SLC6A9: variants seen among roughly 807,000 people sequenced by gnomAD.
The protein encoded by SLC6A9 is solute carrier family 6 member 9.
Under a neutral mutation model 70.9 loss-of-function variants are expected in SLC6A9, and 31 were observed. The ratio of observed to expected loss-of-function variants is 0.44; its 90% CI spans 0.33 to 0.59. The LOEUF is 0.59. Among genes scored for constraint, SLC6A9 ranks in the 20% least tolerant of loss-of-function variants. The pLI is 0.04. For missense variants in SLC6A9, 631 were observed against 845.2 expected, an observed-to-expected ratio of 0.75 and a Z score of 3.14; for synonymous variants, 310 against 341.3, an observed-to-expected ratio of 0.91 and a Z score of 1.01.
rs201991199 is a variant in SLC6A9 at position 44,001,321 on chromosome 1, C to T, written c.1201-23G>A. ...GAACTGCAGGATGTGGCTGTCAGATCGGAGACCTGCCCCTTGTTCCTGTCC... is the reference window on the plus strand; with the variant it reads ...GAACTGCAGGATGTGGCTGTCAGATTGGAGACCTGCCCCTTGTTCCTGTCC... On this transcript the variant is annotated intron_variant, in intron 9 of 13. Coordinates refer to ENST00000372310, the MANE Select transcript of SLC6A9 (RefSeq NM_001024845.3). 4.2e-5 allele frequency: 68 copies of T among 1,614,056 alleles called. No individual in the cohort carries two copies. In the Middle Eastern group the frequency reaches 6.6e-4, roughly 16 times the overall value.
chr1:44,028,651 A>G (rs1290759026), intron 1 of SLC6A9, among the ~76,000 whole-genome samples: 1 of 152,204 alleles, frequency 6.6e-6, no homozygotes, highest in Admixed American at 6.5e-5. Context: ...GCTGCTCAGG[A>G]GGCTGAGTCA....
chr1:44,008,228 C>T (rs1370659034), intron 5 of SLC6A9, 125 bp downstream of exon 5: 1 of 933,212 alleles, frequency 1.1e-6, no homozygotes, highest in Non-Finnish European at 1.7e-6. Context: ...CTCACCTCTA[C>T]CCTCTCCCAG....
chr1:44,010,045 A>C lies in SLC6A9; in HGVS notation c.239T>G (p.Leu80Arg). The change falls in exon 4 of 14, where the codon CTC becomes CGC. Residue 80 changes from leucine to arginine, a missense_variant. Transcript: ENST00000372310. ...FIMLIFCGIP[L>R]FFMELSFGQF... ...GCCGAAGGAGAGCTCCATGAAGAAG[A>C]GGGGGATCCCGCAGAAGATGAGCAT... 6.2e-7 allele frequency: 1 copy of C among 1,614,092 alleles called. No homozygotes were observed. Among genetic ancestry groups the C allele is most frequent in the Non-Finnish European group, 8.5e-7 (1 of 1,179,968 alleles).
At chr1:44,016,974 C>A in intron 2 of SLC6A9, 1 of 1,464,610 alleles carries the variant, frequency 6.8e-7, no homozygotes, top group Non-Finnish European at 9.2e-7. Flanking sequence ...CAGCCCCTCT[C>A]CCCATCCGCA....
chr1:44,011,110 C>A (rs895797512), intron 2 of SLC6A9, among the ~76,000 whole-genome samples: 12 of 152,338 alleles, frequency 7.9e-5, no homozygotes, highest in African/African-American at 2.6e-4. Flanking sequence ...GCACCCAGTG[C>A]CAGGTGCACA....
At chr1:44,019,877 C>T (rs1034561346) in intron 2 of SLC6A9, among the ~76,000 whole-genome samples, 2 of 129,484 alleles carry the variant, frequency 1.5e-5, no homozygotes, top group African/African-American at 3.1e-5. Flanking sequence ...TGAGAAGTGC[C>T]GGGGATGGGG....
At chr1:44,023,901 T>C (rs1571916967) in intron 2 of SLC6A9, among the ~76,000 whole-genome samples, 1 of 152,106 alleles carries the variant, frequency 6.6e-6, no homozygotes, top group Admixed American at 6.5e-5. Flanking sequence ...CCAGGCAGGG[T>C]CTGAGGGAGG....
At chr1:44,016,640 C>T (rs783305) in intron 2 of SLC6A9, 23,414 of 164,458 alleles carry the variant, frequency 0.14, 2,148 homozygotes, top group African/African-American at 0.25. Context: ...CCATGTACCA[C>T]GTTCCCCTGC....
chr1:44,026,014 C>T (rs1272995367), intron 1 of SLC6A9, among the ~76,000 whole-genome samples: 1 of 152,264 alleles, frequency 6.6e-6, no homozygotes, highest in Non-Finnish European at 1.5e-5. Context: ...GAGGAGGCTG[C>T]TCTTTGCCTA....
At chr1:44,022,722 C>CTTTCTTTTTTTT (rs1553164497) in intron 2 of SLC6A9, among the ~76,000 whole-genome samples, 96 of 118,950 alleles carry the variant, frequency 8.1e-4, no homozygotes, top group South Asian at 5.8e-3. Flanking sequence ...TTCTTTCTTT[C>CTTTCTTTTTTTT]TTTTTTTTTT....
intron 12 of SLC6A9, among the ~76,000 whole-genome samples, chr1:43,999,349 C>T (rs1277243157): frequency 6.6e-6 from 1 of 151,652 alleles, no homozygotes; most frequent in Non-Finnish European, 1.5e-5. Context: ...AAGAGCCCCG[C>T]CCGCTGTGCC....
intron 5 of SLC6A9, among the ~76,000 whole-genome samples, chr1:44,008,002 T>C (rs1397935137): frequency 6.6e-6 from 1 of 151,872 alleles, no homozygotes; most frequent in Non-Finnish European, 1.5e-5. Flanking sequence ...GCCATTCTCC[T>C]GTGCCTGCCA....
chr1:44,010,611 G>C, intron 3 of SLC6A9, 115 bp downstream of exon 3: 1 of 1,074,118 alleles, frequency 9.3e-7, no homozygotes, highest in African/African-American at 1.6e-5. Context: ...AAGGAGGCCA[G>C]GGCCAGAGGC....
At chr1:44,030,927 C>T (rs1022909402) in intron 1 of SLC6A9, among the ~76,000 whole-genome samples, 2 of 152,138 alleles carry the variant, frequency 1.3e-5, no homozygotes, top group African/African-American at 4.8e-5. Context: ...CAGTGCCACG[C>T]TCTGGCTCCG....
chr1:44,027,732 T>G (rs974897539), intron 1 of SLC6A9, among the ~76,000 whole-genome samples: 3 of 152,158 alleles, frequency 2.0e-5, no homozygotes, highest in African/African-American at 7.2e-5. Context: ...TCCTAGCACT[T>G]TGGGAGGCCA....
Position 44,001,060 on chromosome 1 carries a change from G to A in SLC6A9, c.1336-5C>T. 6.3e-7 allele frequency: 1 copy of A among 1,590,870 alleles called. No individual in the cohort carries two copies. Among genetic ancestry groups the A allele is most frequent in the Non-Finnish European group, 8.6e-7 (1 of 1,166,846 alleles). On this transcript the variant is annotated splice_polypyrimidine_tract_variant and splice_region_variant and intron_variant, in intron 10 of 13. Transcript: ENST00000372310. Reference sequence around the variant, plus strand: ...CAGCAGCCAATAGATGCCTGCCTGGGGAACAGCGGGCAGCTGTGGGAGGCG... The same window carrying A: ...CAGCAGCCAATAGATGCCTGCCTGGAGAACAGCGGGCAGCTGTGGGAGGCG...
intron 3 of SLC6A9, 85 bp from the exon 4 acceptor site, chr1:44,010,181 C>T (rs2086494519): frequency 6.6e-7 from 1 of 1,504,748 alleles, no homozygotes; most frequent in Non-Finnish European, 9.1e-7. Flanking sequence ...AACAGCAAAA[C>T]CTTCGCGATT....
At position 44,024,243 on chromosome 1, in the gene SLC6A9, C is replaced by T; in HGVS notation, c.30+5G>A. Reference sequence around the variant, plus strand: ...TCCTTCCCGCAGTCTGGCCTCTGTACTCACCAGCATCCCTTTGGCACCTTT... The same window carrying T: ...TCCTTCCCGCAGTCTGGCCTCTGTATTCACCAGCATCCCTTTGGCACCTTT... On this transcript the variant is annotated splice_donor_5th_base_variant and intron_variant, in intron 2 of 13. Coordinates refer to ENST00000372310, the MANE Select transcript of SLC6A9 (RefSeq NM_001024845.3). 1 of 1,614,186 alleles carries T rather than the reference C, an allele frequency of 6.2e-7. No homozygotes were observed.
At position 44,000,982 on chromosome 1, in the gene SLC6A9, A is replaced by G. The variant is rs1557668275; in HGVS notation, c.1409T>C (p.Met470Thr). The change falls in exon 11 of 14, where the codon ATG (methionine) becomes ACG (threonine). Residue 470 changes from methionine to threonine, a missense_variant. Coordinates refer to ENST00000372310, the MANE Select transcript of SLC6A9 (RefSeq NM_001024845.3). ...SFSLVVISCI[M>T]CVAIMYIYGH... ...GTAGATGTACATGATGGCCACACAC[A>G]TGATGCAGGAGATGACCACCAAGGA... The G allele has an allele frequency of 6.3e-7, 1 of 1,594,686 alleles. No homozygotes were observed. Among genetic ancestry groups the G allele is most frequent in the African/African-American group, 1.3e-5 (1 of 74,600 alleles).
Sources: allele counts gnomAD v4.1 joint callset (sites outside exome capture counted in the v4.1 genomes callset), GRCh38; gene constraint gnomAD v4.1.1; transcripts MANE v1.5; gene names NCBI Gene and HGNC (gene_info 2026-07-23, HGNC 2026-07-21).